The following TBC1D5 variants were observed in gnomAD, a reference collection of about 807,000 sequenced individuals.
TBC1D5 encodes TBC1 domain family, member 5.
Under a neutral mutation model 100.3 loss-of-function variants are expected in TBC1D5, and 75 were observed. The ratio of observed to expected loss-of-function variants is 0.75; its 90% CI spans 0.62 to 0.91. The LOEUF (loss-of-function observed/expected upper bound fraction) is 0.91, where lower values mean the gene tolerates loss of function less well. Ranked by LOEUF, TBC1D5 falls within the 40% of genes least tolerant of loss-of-function variation. The pLI, the probability that TBC1D5 is intolerant of heterozygous loss-of-function variation, is 0.00. For synonymous variants in TBC1D5, 323 were observed against 325.6 expected, an observed-to-expected ratio of 0.99 and a Z score of 0.09; for missense variants, 910 against 942.4, an observed-to-expected ratio of 0.97 and a Z score of 0.45.
chr3:17,293,698 G>C (rs1393654977), intron 14 of TBC1D5, among the ~76,000 whole-genome samples: 1 of 152,138 alleles, frequency 6.6e-6, no homozygotes, highest in Non-Finnish European at 1.5e-5. Flanking sequence ...CCCTATGCTA[G>C]GGGAGCACGT....
At chr3:17,439,507 G>A (rs1223041296) in intron 3 of TBC1D5, among the ~76,000 whole-genome samples, 3 of 151,664 alleles carry the variant, frequency 2.0e-5, no homozygotes, top group Non-Finnish European at 4.4e-5. Flanking sequence ...ACAATAAAAC[G>A]TTACTGATTA....
At chr3:17,649,001 C>T (rs556336755) in intron 1 of TBC1D5, among the ~76,000 whole-genome samples, 1 of 152,316 alleles carries the variant, frequency 6.6e-6, no homozygotes, top group African/African-American at 2.4e-5. Context: ...GAATATAAAT[C>T]ATTCTACCAC....
intron 1 of TBC1D5, among the ~76,000 whole-genome samples, chr3:17,683,472 C>T (rs1263490464): frequency 6.8e-6 from 1 of 146,538 alleles, no homozygotes; most frequent in Admixed American, 6.7e-5. Context: ...TCAGAAAATT[C>T]AAGAGGCTCA....
intron 2 of TBC1D5, among the ~76,000 whole-genome samples, chr3:17,589,984 G>A (rs918876110): frequency 6.6e-6 from 1 of 152,158 alleles, no homozygotes; most frequent in African/African-American, 2.4e-5. Context: ...GGATCTGAAA[G>A]GTATGGGAAG....
chr3:17,201,407 G>C (rs1372475941), intron 18 of TBC1D5, among the ~76,000 whole-genome samples: 1 of 152,132 alleles, frequency 6.6e-6, no homozygotes, highest in African/African-American at 2.4e-5. Context: ...AATACTTCCA[G>C]GTGTATTAAT....
intron 15 of TBC1D5, among the ~76,000 whole-genome samples, chr3:17,285,220 AAGAGT>A (rs1035539960): frequency 2.0e-5 from 3 of 151,562 alleles, no homozygotes; most frequent in African/African-American, 7.3e-5. Context: ...ATCATCCTCA[AAGAGT>A]CACTATACGT....
At chr3:17,382,901 A>AT (rs2093007367) in intron 9 of TBC1D5, among the ~76,000 whole-genome samples, 1 of 151,672 alleles carries the variant, frequency 6.6e-6, no homozygotes, top group Non-Finnish European at 1.5e-5. Context: ...TTTATTGTTA[A>AT]TTTTTTTCTA....
intron 19 of TBC1D5, among the ~76,000 whole-genome samples, chr3:17,183,257 G>A (rs1371693307): frequency 6.6e-6 from 1 of 152,162 alleles, no homozygotes. Context: ...TGCTGTTCAT[G>A]CCAAGTCCCC....
chr3:17,618,114 G>C (rs994235012), intron 2 of TBC1D5, among the ~76,000 whole-genome samples: 12 of 151,654 alleles, frequency 7.9e-5, no homozygotes, highest in African/African-American at 2.9e-4. Context: ...TGGTGTTGAT[G>C]CTATTCCTTT....
At chr3:17,650,504 A>G (rs941778246) in intron 1 of TBC1D5, among the ~76,000 whole-genome samples, 2 of 152,166 alleles carry the variant, frequency 1.3e-5, no homozygotes, top group Non-Finnish European at 2.9e-5. Context: ...ATAATTTCAA[A>G]TGGGTAAAGA....
chr3:17,229,452 A>C (rs1205149502), intron 17 of TBC1D5, among the ~76,000 whole-genome samples: 2 of 152,192 alleles, frequency 1.3e-5, no homozygotes, highest in African/African-American at 4.8e-5. Flanking sequence ...ACCTGCATGC[A>C]AACATGTGTC....
chr3:17,251,433 C>CCA (rs1553635336), intron 16 of TBC1D5, among the ~76,000 whole-genome samples: 1 of 144,430 alleles, frequency 6.9e-6, no homozygotes, highest in Non-Finnish European at 1.5e-5. Flanking sequence ...GAACCCCCCC[C>CCA]CCCCCAGTAG....
At chr3:17,255,916 G>A (rs4685444) in intron 16 of TBC1D5, among the ~76,000 whole-genome samples, 1 of 152,080 alleles carries the variant, frequency 6.6e-6, no homozygotes, top group Non-Finnish European at 1.5e-5. Context: ...TGCGCCTGTA[G>A]TCCCAGCTAC....
At chr3:17,234,672 C>G (rs1016406353) in intron 17 of TBC1D5, among the ~76,000 whole-genome samples, 7 of 152,086 alleles carry the variant, frequency 4.6e-5, no homozygotes, top group African/African-American at 1.7e-4. Flanking sequence ...AAGAAAAAAG[C>G]ATTTTAAAAA....
chr3:17,229,998 A>G (rs1452574306), intron 17 of TBC1D5, among the ~76,000 whole-genome samples: 2 of 152,218 alleles, frequency 1.3e-5, no homozygotes, highest in African/African-American at 4.8e-5. Flanking sequence ...GTTTCCCAAA[A>G]TTCATTTTAC....
intron 1 of TBC1D5, among the ~76,000 whole-genome samples, chr3:17,628,190 G>T (rs757432951): frequency 1.3e-5 from 2 of 151,972 alleles, no homozygotes; most frequent in African/African-American, 2.4e-5. Context: ...CCAACATGGC[G>T]AAACCCCTTC....
At chr3:17,466,097 C>G (rs1029610846) in intron 3 of TBC1D5, among the ~76,000 whole-genome samples, 1 of 152,196 alleles carries the variant, frequency 6.6e-6, no homozygotes, top group Admixed American at 6.5e-5. Flanking sequence ...AGGGTATCAA[C>G]AGAGTACTTA....
intron 2 of TBC1D5, among the ~76,000 whole-genome samples, chr3:17,540,056 T>A (rs1344909751): frequency 2.6e-5 from 4 of 152,200 alleles, no homozygotes; most frequent in Admixed American, 2.6e-4. Context: ...AAGGTGGTAT[T>A]TCATTATAGT....
At chr3:17,427,820 C>G (rs576998094) in intron 4 of TBC1D5, among the ~76,000 whole-genome samples, 21 of 151,836 alleles carry the variant, frequency 1.4e-4, no homozygotes, top group Non-Finnish European at 2.4e-4. Flanking sequence ...TTTCTTACTC[C>G]TGAGTTTCCC....
Sources: allele counts gnomAD v4.1 joint callset (sites outside exome capture counted in the v4.1 genomes callset), GRCh38; gene constraint gnomAD v4.1.1; transcripts MANE v1.5; gene names NCBI Gene and HGNC (gene_info 2026-07-23, HGNC 2026-07-21).